SEMA7A: variants seen among roughly 807,000 people sequenced by gnomAD.
SEMA7A encodes semaphorin 7A (JohnMiltonHagen blood group), also known as semaphorin-7A.
In SEMA7A, 21 loss-of-function variants were observed where a neutral mutation model predicts 67.5. The observed-to-expected ratio is 0.31, with a 90% confidence interval of 0.22 to 0.45. SEMA7A has a LOEUF of 0.45. Ranked by LOEUF, SEMA7A falls within the 20% of genes least tolerant of loss-of-function variation. SEMA7A has a pLI of 1.00. For missense variants in SEMA7A, 774 were observed against 908.6 expected (o/e 0.85, Z 1.90); for synonymous variants, 364 against 368.5 (o/e 0.99, Z 0.14).
At chr15:74,433,655 C>A in intron 1 of SEMA7A, 86 bp downstream of exon 1, 1 of 1,313,020 alleles carries the variant, frequency 7.6e-7, no homozygotes. Flanking sequence ...GCTGCGCGCA[C>A]GCACTCCCTC....
intron 3 of SEMA7A, 121 bp from the exon 4 acceptor site, chr15:74,418,090 C>T: frequency 8.1e-7 from 1 of 1,229,732 alleles, no homozygotes; most frequent in South Asian, 1.3e-5. Context: ...TAGGTGACAG[C>T]CTCCCGGGAC....
At chr15:74,427,199 C>T (rs2061050837) in intron 1 of SEMA7A, 1 of 984,914 alleles carries the variant, frequency 1.0e-6, no homozygotes, top group Non-Finnish European at 1.2e-6. Context: ...TCGCTCAGAT[C>T]ATGCTGTCTG....
intron 2 of SEMA7A, 35 bp downstream of exon 2, chr15:74,418,766 G>A: frequency 6.2e-7 from 1 of 1,606,662 alleles, no homozygotes; most frequent in East Asian, 2.2e-5. Context: ...GAGATAAGAG[G>A]GTAGGGGGGG....
rs917317260 is a variant in SEMA7A, at chr15:74,410,484, G to A, written c.*140C>T. The A allele has an allele frequency of 2.3e-6, 3 of 1,304,644 alleles. No homozygotes were observed. In the African/African-American group the frequency reaches 4.5e-5, roughly 19 times the overall value. The allele number at this position is 1,304,644 out of a possible 1,614,324, so 80.8% of individuals were successfully genotyped here. ...GCCGCCTGCGGCTGGACGTCTCCAG[G>A]CCTGGCATCCTCCACTGGGTTATTC... On this transcript the variant is annotated 3_prime_UTR_variant, in exon 14 of 14. Transcript: ENST00000261918. This position sits in a 1 kb window ranked among gnomAD's most constrained non-coding sequence, Gnocchi z 7.5.
At chr15:74,432,902 A>G (rs888628995) in intron 1 of SEMA7A, among the ~76,000 whole-genome samples, 2 of 152,092 alleles carry the variant, frequency 1.3e-5, no homozygotes, top group African/African-American at 4.8e-5. Context: ...CCCATAGTAC[A>G]GGGTCTAAAC....
rs555362420 is a variant in SEMA7A, at chr15:74,412,083, G to A, written c.1295-71C>T. ...GGGCCAGGCAGCTTTCCTCTAGGCC[G>A]GGGAGGGGTGGGAAGTCACAACTCA... On this transcript the variant is annotated intron_variant, in intron 10 of 13. Transcript: ENST00000261918. 207 of 1,576,518 alleles carry A rather than the reference G, an allele frequency of 1.3e-4. 1 individual carries two copies. The highest frequency in any genetic ancestry group is 9.2e-4 in the South Asian group (81 of 88,306).
At chr15:74,420,711 C>A (rs767462195) in intron 1 of SEMA7A, among the ~76,000 whole-genome samples, 1 of 152,170 alleles carries the variant, frequency 6.6e-6, no homozygotes, top group Admixed American at 6.5e-5. Flanking sequence ...CTTCCTGACT[C>A]AGCTCCCGTA....
intron 1 of SEMA7A, 199 bp downstream of exon 1, chr15:74,433,542 G>C (rs1277819895): frequency 8.3e-7 from 1 of 1,209,168 alleles, no homozygotes; most frequent in Non-Finnish European, 1.0e-6. Context: ...TCGCCGCAGC[G>C]TTACAGCCGG....
At chr15:74,416,515 C>G in intron 7 of SEMA7A, 60 bp downstream of exon 7, 1 of 1,570,950 alleles carries the variant, frequency 6.4e-7, no homozygotes, top group Non-Finnish European at 8.7e-7. Flanking sequence ...CAGAACTCAC[C>G]CTCACTCAGG....
intron 1 of SEMA7A, among the ~76,000 whole-genome samples, chr15:74,419,169 C>T (rs1264190117): frequency 6.6e-6 from 1 of 152,208 alleles, no homozygotes; most frequent in East Asian, 1.9e-4. Flanking sequence ...GCTGTCCTCA[C>T]CCACAGCACG....
At chr15:74,412,033 G>A (rs1314302144) in intron 10 of SEMA7A, 21 bp from the exon 11 acceptor site, 4 of 1,613,106 alleles carry the variant, frequency 2.5e-6, no homozygotes, top group Non-Finnish European at 2.5e-6. Context: ...TGGACAGAGG[G>A]TCAGTGGGCG....
intron 2 of SEMA7A, among the ~76,000 whole-genome samples, 190 bp from the exon 3 acceptor site, chr15:74,418,499 GC>G (rs775528825): frequency 2.5e-4 from 38 of 152,240 alleles, no homozygotes; most frequent in Non-Finnish European, 2.6e-4. Context: ...CAGAGCTGAG[GC>G]CCAGAGGGTT....
intron 10 of SEMA7A, among the ~76,000 whole-genome samples, chr15:74,413,631 T>C (rs1315997713): frequency 6.6e-6 from 1 of 152,084 alleles, no homozygotes; most frequent in Non-Finnish European, 1.5e-5. Context: ...GTAGCCGGGA[T>C]GAATAGGGAG....
chr15:74,415,766 A>G lies in SEMA7A; in HGVS notation c.986+35T>C, dbSNP rs757961525. 7 of 1,578,482 alleles carry G rather than the reference A, an allele frequency of 4.4e-6. No homozygotes were observed. In the South Asian group the frequency reaches 5.7e-5, roughly 13 times the overall value. On this transcript the variant is annotated intron_variant, in intron 8 of 13. Coordinates refer to ENST00000261918, the MANE Select transcript of SEMA7A (RefSeq NM_003612.5). Reference sequence around the variant, plus strand: ...CCTGTCCCTACTGGACACTGAACCAATGCCAGCCCCGGCCCCAGGACAAGG... The same window carrying G: ...CCTGTCCCTACTGGACACTGAACCAGTGCCAGCCCCGGCCCCAGGACAAGG...
chr15:74,419,391 C>T (rs139551923), intron 1 of SEMA7A, among the ~76,000 whole-genome samples: 3 of 152,152 alleles, frequency 2.0e-5, no homozygotes, highest in African/African-American at 7.2e-5. Flanking sequence ...CCCCCAACCC[C>T]GGGCCTTTCA....
Position 74,433,722 on chromosome 15 carries a change from G to A in SEMA7A, c.178+19C>T. ...CAGCGTCTGATCCCGCGCCTGACCG[G>A]CCGCGCGGCGCCGCCTACCTTTCCA... is the stretch of plus-strand genomic sequence containing the variant. On this transcript the variant is annotated intron_variant, in intron 1 of 13. Coordinates refer to ENST00000261918, the MANE Select transcript of SEMA7A (RefSeq NM_003612.5). 1 of 1,420,818 alleles carries A rather than the reference G, an allele frequency of 7.0e-7. No homozygotes were observed. The highest frequency in any genetic ancestry group is 3.0e-5 in the Admixed American group (1 of 33,104). The allele number at this position is 1,420,818 out of a possible 1,614,324, so 88.0% of individuals were successfully genotyped here. A position where few individuals can be genotyped will look rare whatever the true frequency, so the allele number is the denominator to read the frequency against.
rs2141279225 is a variant in SEMA7A, at chr15:74,418,298, G to C, written c.342C>G (p.Gly114=). The C allele has an allele frequency of 6.8e-6, 11 of 1,611,600 alleles. No individual in the cohort carries two copies. Among genetic ancestry groups the C allele is most frequent in the African/African-American group, 1.3e-5 (1 of 74,822 alleles). The part of the protein sequence containing the change: ...KNASVRTVNI[G]STKGSCLDKR... ...TATCCAGACAGGACCCCTTTGTGGA[G>C]CCGATATTCACCTGGGGGAAGGGGA... Residue 114 remains glycine (G), a synonymous_variant, in exon 3 of 14, where the codon GGC becomes GGG. Transcript: ENST00000261918.
chr15:74,417,118 T>C (rs993583198), intron 6 of SEMA7A, among the ~76,000 whole-genome samples: 5 of 152,184 alleles, frequency 3.3e-5, no homozygotes, highest in Non-Finnish European at 7.4e-5. Flanking sequence ...CCTCTGTTTG[T>C]GTTCCTGAAG....
rs562767710 is a variant in SEMA7A at position 74,432,564 on chromosome 15, T to C, written c.178+1177A>G. 3.3e-5 allele frequency among the ~76,000 whole-genome samples: 5 copies of C among 152,138 alleles called. No homozygotes were observed. The East Asian group carries it at 9.6e-4, about 29-fold the overall frequency. On this transcript the variant is annotated intron_variant, in intron 1 of 13. Transcript: ENST00000261918. The stretch of plus-strand genomic sequence containing the variant: ...CTTGGGCAAGTCACATTCCCTCAGC[T>C]ACTGCGGCAGTTCGGGCCACTCGTT...
Sources: gnomAD v4.1 joint callset for allele counts (sites outside exome capture counted in the v4.1 genomes callset) on GRCh38, gnomAD v4.1.1 for gene constraint, Gnocchi (gnomAD v3.1) non-coding constraint, MANE v1.5 for transcripts, NCBI Gene and HGNC (gene_info 2026-07-23, HGNC 2026-07-21) for gene names.